The following FRMD4B variants were observed in gnomAD, a reference collection of about 807,000 sequenced individuals.
FRMD4B encodes FERM domain containing 4B.
FRMD4B carries 74 observed loss-of-function variants against 141.5 expected under a neutral mutation model. The ratio of observed to expected loss-of-function variants is 0.52; its 90% CI spans 0.43 to 0.63. The LOEUF is 0.63. Ranked by LOEUF, FRMD4B falls within the 30% of genes least tolerant of loss-of-function variation. The pLI, the probability that FRMD4B is intolerant of heterozygous loss-of-function variation, is 0.00. For missense variants in FRMD4B, 1,366 were observed against 1,253.4 expected, an observed-to-expected ratio of 1.09 and a Z score of -1.36; for synonymous variants, 506 against 467.9, an observed-to-expected ratio of 1.08 and a Z score of -1.05.
Position 69,496,691 on chromosome 3 carries a change from GTCCTGAT to G in FRMD4B, c.-129+45508_-129+45514del, listed in dbSNP as rs540895175. ...AGAGAGAGAGAGACAGGGAGATTAG[GTCCTGAT>G]AGATCCTGATGACATCATGAGTGTC... is the stretch of plus-strand genomic sequence containing the variant. On this transcript the variant is annotated intron_variant, in intron 1 of 5. Transcript: ENST00000459638. Among the ~76,000 whole-genome samples, 538 of 145,994 alleles carry G rather than the reference GTCCTGAT, an allele frequency of 3.7e-3. 3 individuals are homozygous for G. The highest frequency in any genetic ancestry group is 6.4e-3 in the Admixed American group (93 of 14,630).
At chr3:69,288,268 G>A (rs1559780958) in intron 4 of FRMD4B, among the ~76,000 whole-genome samples, 2 of 152,228 alleles carry the variant, frequency 1.3e-5, no homozygotes, top group African/African-American at 4.8e-5. Flanking sequence ...TGAGGCTCGG[G>A]GGTTTTTAGA....
At chr3:69,250,757 C>G (rs2093459684) in intron 5 of FRMD4B, among the ~76,000 whole-genome samples, 1 of 149,030 alleles carries the variant, frequency 6.7e-6, no homozygotes, top group Non-Finnish European at 1.5e-5. Flanking sequence ...CATTCAAAAC[C>G]CCAAAGAAAA....
chr3:69,355,582 G>A (rs1703290527), intron 1 of FRMD4B, among the ~76,000 whole-genome samples: 1 of 152,170 alleles, frequency 6.6e-6, no homozygotes, highest in South Asian at 2.1e-4. Flanking sequence ...AGTTTCAGCA[G>A]CAAGTTGGGC....
intron 8 of FRMD4B, among the ~76,000 whole-genome samples, chr3:69,224,160 A>T (rs962942034): frequency 6.6e-6 from 1 of 152,206 alleles, no homozygotes; most frequent in Non-Finnish European, 1.5e-5. Flanking sequence ...ATGTACAAAC[A>T]ACTAAACCAA....
At chr3:69,223,993 A>C (rs1331887873) in intron 8 of FRMD4B, among the ~76,000 whole-genome samples, 1 of 152,208 alleles carries the variant, frequency 6.6e-6, no homozygotes, top group African/African-American at 2.4e-5. Context: ...TCTATTTTGT[A>C]ATCTTTATTT....
rs191265106 is a variant in FRMD4B at position 69,467,478 on chromosome 3, C to T, written c.-128-34717G>A. 3.8e-4 allele frequency among the ~76,000 whole-genome samples: 58 copies of T among 152,268 alleles called. 1 individual carries two copies. Among genetic ancestry groups the T allele is most frequent in the South Asian group, 2.1e-4 (1 of 4,826 alleles). On this transcript the variant is annotated intron_variant, in intron 1 of 5. Transcript: ENST00000459638. ...GACCTAGGTTCAAAAAAAATTGTTT[C>T]GCTCACTGTAGGCAGTGAAACCTGT...
chr3:69,180,105 A>G (rs1487729559), intron 21 of FRMD4B, among the ~76,000 whole-genome samples: 1 of 152,134 alleles, frequency 6.6e-6, no homozygotes, highest in Non-Finnish European at 1.5e-5. Context: ...ACTGAATTAC[A>G]ATATGCATGG....
chr3:69,281,293 T>G (rs560460706), intron 5 of FRMD4B, among the ~76,000 whole-genome samples: 107 of 152,320 alleles, frequency 7.0e-4, no homozygotes, highest in African/African-American at 2.5e-3. Flanking sequence ...TTGTAATTAG[T>G]GTTGACTATA....
In FRMD4B at chr3:69,318,590, C is replaced by G. The variant is rs561248543; in HGVS notation, c.163-5073G>C. On this transcript the variant is annotated intron_variant, in intron 1 of 22. Coordinates refer to ENST00000398540, the MANE Select transcript of FRMD4B (RefSeq NM_015123.3). ...ATGTCCGCGCAGCACACATGGTGTT[C>G]AGCATGTGGAAAGATGGCTCTGCTG... is the stretch of plus-strand genomic sequence containing the variant. Among the ~76,000 whole-genome samples, 12 of 152,278 alleles carry G rather than the reference C, an allele frequency of 7.9e-5. No individual in the cohort carries two copies. The South Asian group carries it at 2.3e-3, about 29-fold the overall frequency.
chr3:69,242,478 A>ATTTT (rs71115667), intron 7 of FRMD4B, among the ~76,000 whole-genome samples: 2 of 54,598 alleles, frequency 3.7e-5, no homozygotes, highest in African/African-American at 1.5e-4. Context: ...AAATAGCTGC[A>ATTTT]TTTTTTTTTT....
chr3:69,484,981 GC>G (rs368874279), intron 1 of FRMD4B, among the ~76,000 whole-genome samples: 7 of 152,072 alleles, frequency 4.6e-5, no homozygotes, highest in African/African-American at 1.4e-4. Context: ...GCTTCTCTGG[GC>G]CCCCCCACCT....
chr3:69,279,296 C>G (rs1243240026), intron 5 of FRMD4B, among the ~76,000 whole-genome samples: 1 of 152,206 alleles, frequency 6.6e-6, no homozygotes, highest in Non-Finnish European at 1.5e-5. Context: ...TAGATCTGAT[C>G]ACTCCAGTAC....
intron 3 of FRMD4B, among the ~76,000 whole-genome samples, chr3:69,303,120 C>T (rs113276654): frequency 0.23 from 34,146 of 151,712 alleles, 4,547 homozygotes; most frequent in Middle Eastern, 0.36. Context: ...AACAAACAAA[C>T]AAAAAAAACT....
rs77245852 is a variant in FRMD4B, at chr3:69,507,066, A to T, written c.-129+35140T>A. Among the ~76,000 whole-genome samples the T allele has an allele frequency of 1.4e-3, 207 of 152,260 alleles. 4 individuals are homozygous for T. In the East Asian group the frequency reaches 0.039, roughly 29 times the overall value. Reference sequence around the variant, plus strand: ...TAGAGATTCTAATATAGGGATGTGTATTCTGAAGCCCCAAGATGGGCGAAG... The same window carrying T: ...TAGAGATTCTAATATAGGGATGTGTTTTCTGAAGCCCCAAGATGGGCGAAG... On this transcript the variant is annotated intron_variant, in intron 1 of 5. Transcript: ENST00000459638.
At chr3:69,289,776 G>C (rs976244652) in intron 4 of FRMD4B, among the ~76,000 whole-genome samples, 2 of 152,006 alleles carry the variant, frequency 1.3e-5, no homozygotes, top group Admixed American at 1.3e-4. Context: ...CTGCAGCCTG[G>C]GCAACAGAGG....
intron 3 of FRMD4B, among the ~76,000 whole-genome samples, chr3:69,302,687 A>G (rs1701255718): frequency 6.6e-6 from 1 of 152,214 alleles, no homozygotes; most frequent in African/African-American, 2.4e-5. Context: ...TAATTTGTAT[A>G]TGAAATCACT....
intron 1 of FRMD4B, among the ~76,000 whole-genome samples, chr3:69,438,366 A>G (rs1705293327): frequency 6.6e-6 from 1 of 152,056 alleles, no homozygotes; most frequent in South Asian, 2.1e-4. Context: ...TTGGCATCCT[A>G]AAGTGCTGGG....
intron 1 of FRMD4B, among the ~76,000 whole-genome samples, chr3:69,460,873 A>G (rs1705697062): frequency 6.6e-6 from 1 of 152,226 alleles, no homozygotes; most frequent in Non-Finnish European, 1.5e-5. Context: ...CTACCAGATT[A>G]CGTGATCTGT....
At chr3:69,316,769 T>A in intron 1 of FRMD4B, among the ~76,000 whole-genome samples, 1 of 152,190 alleles carries the variant, frequency 6.6e-6, no homozygotes, top group Non-Finnish European at 1.5e-5. Flanking sequence ...ATGTCATAAT[T>A]GAGAAAATAT....
Sources: allele counts gnomAD v4.1 joint callset (sites outside exome capture counted in the v4.1 genomes callset), GRCh38; gene constraint gnomAD v4.1.1; transcripts MANE v1.5; gene names NCBI Gene and HGNC (gene_info 2026-07-23, HGNC 2026-07-21).